Variants in CRADD observed in about 807,000 individuals in gnomAD.
CRADD encodes death domain-containing protein CRADD.
A neutral mutation model predicts 15.5 loss-of-function variants in CRADD; 9 were observed. The ratio of observed to expected loss-of-function variants is 0.58; its 90% CI spans 0.35 to 1.01. The LOEUF (loss-of-function observed/expected upper bound fraction) is 1.01, where lower values mean the gene tolerates loss of function less well. Among genes scored for constraint, CRADD ranks in the 50% least tolerant of loss-of-function variants. The pLI, the probability that CRADD is intolerant of heterozygous loss-of-function variation, is 0.02. For missense variants in CRADD, 227 were observed against 250.3 expected, an observed-to-expected ratio of 0.91 and a Z score of 0.63; for synonymous variants, 118 against 107.6, an observed-to-expected ratio of 1.10 and a Z score of -0.60.
At chr12:93,722,526 G>C (rs1368610876) in intron 2 of CRADD, among the ~76,000 whole-genome samples, 1 of 151,712 alleles carries the variant, frequency 6.6e-6, no homozygotes, top group Non-Finnish European at 1.5e-5. Flanking sequence ...CTGTTTTTCA[G>C]TCTTTCTTCT....
At chr12:93,776,878 G>A (rs1957145888) in intron 2 of CRADD, among the ~76,000 whole-genome samples, 1 of 152,138 alleles carries the variant, frequency 6.6e-6, no homozygotes, top group Admixed American at 6.5e-5. Flanking sequence ...AGCGGGAGGT[G>A]GGGATGATTT....
chr12:93,738,319 T>C, intron 2 of CRADD: 3 of 700,520 alleles, frequency 4.3e-6, no homozygotes, highest in South Asian at 3.0e-5. Flanking sequence ...ACCTCAGGCA[T>C]GGGCCCTGGA....
chr12:93,709,997 C>G (rs1956032061), intron 2 of CRADD, among the ~76,000 whole-genome samples: 1 of 152,080 alleles, frequency 6.6e-6, no homozygotes, highest in South Asian at 2.1e-4. Context: ...TTGTATTGAC[C>G]TGTTGAAATT....
At chr12:93,707,125 GC>G (rs1445226759) in intron 2 of CRADD, among the ~76,000 whole-genome samples, 1 of 152,156 alleles carries the variant, frequency 6.6e-6, no homozygotes, top group East Asian at 1.9e-4. Context: ...AAATCTCTGG[GC>G]AAAGCAGTCA....
chr12:93,726,259 A>G (rs958845133), intron 2 of CRADD, among the ~76,000 whole-genome samples: 1 of 151,862 alleles, frequency 6.6e-6, no homozygotes, highest in Non-Finnish European at 1.5e-5. Flanking sequence ...ACCCACCACC[A>G]TGCCCAGCTA....
Position 93,816,648 on chromosome 12 carries a change from G to A in CRADD, c.299-33322G>A, listed in dbSNP as rs190463800. 3.9e-3 allele frequency among the ~76,000 whole-genome samples: 599 copies of A among 152,282 alleles called. 8 individuals are homozygous for A. Among genetic ancestry groups the A allele is most frequent in the African/African-American group, 0.013 (537 of 41,558 alleles). ...CACAGATCATTTCAAGTGCTCAGTA[G>A]CCACACATGTCTAGTGGCTGCCATA... On this transcript the variant is annotated intron_variant, in intron 2 of 2. Transcript: ENST00000332896.
rs1955227200 is a variant in CRADD at position 93,679,062 on chromosome 12, C to T, written c.288C>T (p.Asp96=). 1.2e-6 allele frequency: 2 copies of T among 1,612,326 alleles called. No individual in the cohort carries two copies. ...AGGCAAGGGAAGAGGCCATGACCGA[C>T]CTGCCTGCAGGTAGGCCTCAGAAAG... ...LKKAREEAMT[D]LPAGDRLTGI... The change falls in exon 2 of 3, where the codon GAC becomes GAT. Residue 96 remains aspartate (D), a synonymous_variant. Transcript: ENST00000332896.
At chr12:93,779,320 C>G (rs1256122688) in intron 2 of CRADD, among the ~76,000 whole-genome samples, 1 of 152,062 alleles carries the variant, frequency 6.6e-6, no homozygotes, top group African/African-American at 2.4e-5. Flanking sequence ...GTAGAATTGA[C>G]TAAAACCTTG....
intron 2 of CRADD, among the ~76,000 whole-genome samples, chr12:93,861,850 G>T (rs534925132): frequency 6.6e-6 from 1 of 152,242 alleles, no homozygotes; most frequent in East Asian, 1.9e-4. Context: ...TGAAGACAGG[G>T]TGATATGGTT....
At chr12:93,712,492 G>T (rs1956091851) in intron 2 of CRADD, among the ~76,000 whole-genome samples, 1 of 152,100 alleles carries the variant, frequency 6.6e-6, no homozygotes, top group Non-Finnish European at 1.5e-5. Flanking sequence ...ATTTTGAACA[G>T]GCCAGAAAAA....
chr12:93,817,402 C>T (rs1957716746), intron 2 of CRADD, among the ~76,000 whole-genome samples: 1 of 152,218 alleles, frequency 6.6e-6, no homozygotes, highest in South Asian at 2.1e-4. Flanking sequence ...CCTGTTGAAT[C>T]AGTGGAACAA....
chr12:93,778,617 G>A (rs984212963), intron 2 of CRADD, among the ~76,000 whole-genome samples: 3 of 151,864 alleles, frequency 2.0e-5, no homozygotes, highest in Admixed American at 1.3e-4. Flanking sequence ...AGAATAAAAT[G>A]TTGACAGGTT....
intron 2 of CRADD, among the ~76,000 whole-genome samples, chr12:93,736,662 T>C (rs1476403940): frequency 2.0e-5 from 3 of 152,212 alleles, no homozygotes; most frequent in African/African-American, 7.2e-5. Flanking sequence ...ATTTTCTAGT[T>C]TCTCAGATCC....
intron 2 of CRADD, among the ~76,000 whole-genome samples, chr12:93,882,421 A>C (rs1958508951): frequency 1.0e-5 from 1 of 99,186 alleles, no homozygotes; most frequent in East Asian, 3.1e-4. Flanking sequence ...ACTCTGTCTC[A>C]AAAAAAAAAA....
In CRADD at chr12:93,710,418, T is replaced by C. The variant is rs895553532; in HGVS notation, c.298+31346T>C. ...TGGAGTGCAGTGGCACAATCTTGGC[T>C]CACTGCAACCTCTGCCTCCTGGGTT... On this transcript the variant is annotated intron_variant, in intron 2 of 2. Coordinates refer to ENST00000332896, the MANE Select transcript of CRADD (RefSeq NM_003805.5). Among the ~76,000 whole-genome samples, 7 of 149,198 alleles carry C rather than the reference T, an allele frequency of 4.7e-5. No homozygotes were observed. The East Asian group carries it at 1.4e-3, about 30-fold the overall frequency.
At chr12:93,820,518 C>T (rs1250223879) in intron 2 of CRADD, among the ~76,000 whole-genome samples, 1 of 150,094 alleles carries the variant, frequency 6.7e-6, no homozygotes, top group Admixed American at 6.7e-5. Context: ...CACTGCACTC[C>T]AGGCTGGGCA....
chr12:93,780,392 G>A (rs903178269), intron 2 of CRADD, among the ~76,000 whole-genome samples: 4 of 152,146 alleles, frequency 2.6e-5, no homozygotes, highest in African/African-American at 9.7e-5. Flanking sequence ...AGGCGTGCGC[G>A]GTAGATATTA....
intron 2 of CRADD, among the ~76,000 whole-genome samples, chr12:93,722,079 C>A (rs966299026): frequency 6.6e-6 from 1 of 152,186 alleles, no homozygotes; most frequent in African/African-American, 2.4e-5. Context: ...CGTTATTTCT[C>A]CATCAGTTTT....
At chr12:93,865,323 C>G (rs1958356941) in intron 2 of CRADD, among the ~76,000 whole-genome samples, 1 of 152,196 alleles carries the variant, frequency 6.6e-6, no homozygotes, top group Non-Finnish European at 1.5e-5. Context: ...CAGACTTGTT[C>G]CAAGACCTCT....
Sources: gnomAD v4.1 joint callset for allele counts (sites outside exome capture counted in the v4.1 genomes callset) on GRCh38, gnomAD v4.1.1 for gene constraint, MANE v1.5 for transcripts, NCBI Gene and HGNC (gene_info 2026-07-23, HGNC 2026-07-21) for gene names.